The following CHST3 variants were observed in gnomAD, a reference collection of about 807,000 sequenced individuals.
The protein encoded by CHST3 is C6ST-1.
In CHST3, 20 loss-of-function variants were observed where a neutral mutation model predicts 35.4. The ratio of observed to expected loss-of-function variants is 0.57; its 90% CI spans 0.40 to 0.82. CHST3 has a LOEUF of 0.82. Among genes scored for constraint, CHST3 ranks in the 40% least tolerant of loss-of-function variants. CHST3 has a pLI of 0.00. For synonymous variants in CHST3, 334 were observed against 295.9 expected, an observed-to-expected ratio of 1.13 and a Z score of -1.32; for missense variants, 693 against 670.1, an observed-to-expected ratio of 1.03 and a Z score of -0.38.
At chr10:71,970,267 C>T (rs969018600) in intron 1 of CHST3, among the ~76,000 whole-genome samples, 1 of 152,202 alleles carries the variant, frequency 6.6e-6, no homozygotes, top group African/African-American at 2.4e-5. Flanking sequence ...CCACCACCTC[C>T]TCACAAAGAT....
chr10:71,990,590 C>G (rs181124312), intron 1 of CHST3, among the ~76,000 whole-genome samples: 1 of 152,090 alleles, frequency 6.6e-6, no homozygotes, highest in Non-Finnish European at 1.5e-5. Context: ...CTCAAACTCC[C>G]GCCCTCAGGT....
rs2131777093 is a variant in CHST3, at chr10:72,008,436, C to T, written c.1405C>T (p.Leu469=). Reference sequence around the variant, plus strand: ...CGCCCTCACCAACCGCTCAGTCAGCCTGCTGGAGGAGAGGGGCACCTTCTG... The same window carrying T: ...CGCCCTCACCAACCGCTCAGTCAGCTTGCTGGAGGAGAGGGGCACCTTCTG... ...AAALTNRSVS[L]LEERGTFWVT The change falls in exon 3 of 3, where the codon CTG becomes TTG. Residue 469 remains leucine (L), a synonymous_variant. Coordinates refer to ENST00000373115, the MANE Select transcript of CHST3 (RefSeq NM_004273.5). 6.4e-7 allele frequency: 1 copy of T among 1,568,914 alleles called. No homozygotes were observed. Among genetic ancestry groups the T allele is most frequent in the Non-Finnish European group, 8.6e-7 (1 of 1,157,136 alleles).
chr10:71,979,514 G>A (rs921780792), intron 1 of CHST3, among the ~76,000 whole-genome samples: 5 of 152,022 alleles, frequency 3.3e-5, no homozygotes, highest in African/African-American at 1.2e-4. Flanking sequence ...GGCCTTAAGG[G>A]ATGGGTGGAA....
At chr10:72,004,407 T>A (rs1178432403) in intron 1 of CHST3, among the ~76,000 whole-genome samples, 1 of 152,152 alleles carries the variant, frequency 6.6e-6, no homozygotes, top group African/African-American at 2.4e-5. Context: ...GGTGGGGCTG[T>A]AGGGAGCCCT....
At chr10:72,007,140 G>A (rs1008975704) in intron 2 of CHST3, 32 bp from the exon 3 acceptor site, 1 of 1,611,176 alleles carries the variant, frequency 6.2e-7, no homozygotes, top group African/African-American at 1.3e-5. Context: ...TCCCCAGTCA[G>A]CCACTGACCC....
chr10:71,971,228 G>C (rs1839691783), intron 1 of CHST3, among the ~76,000 whole-genome samples: 1 of 152,170 alleles, frequency 6.6e-6, no homozygotes, highest in Non-Finnish European at 1.5e-5. Flanking sequence ...TGGGATTTGG[G>C]GAGTGGGGCA....
chr10:71,995,862 A>G (rs553408741), intron 1 of CHST3, among the ~76,000 whole-genome samples: 1 of 152,328 alleles, frequency 6.6e-6, no homozygotes, highest in Admixed American at 6.5e-5. Flanking sequence ...AATCTGCACT[A>G]TTGCGAAAAT....
At chr10:72,005,674 G>A in intron 1 of CHST3, 62 bp from the exon 2 acceptor site, 1 of 786,702 alleles carries the variant, frequency 1.3e-6, no homozygotes, top group South Asian at 1.6e-5. Context: ...GTCTGGTGGA[G>A]AGACATCCTC....
chr10:72,004,778 C>G (rs1243519005), intron 1 of CHST3, among the ~76,000 whole-genome samples: 1 of 152,150 alleles, frequency 6.6e-6, no homozygotes, highest in African/African-American at 2.4e-5. Context: ...TTTGTCACCC[C>G]CCACCTTCCC....
rs1228418634 is a variant in CHST3 at position 72,013,454 on chromosome 10, C to A, written c.*4983C>A. The A allele has an allele frequency of 6.6e-6, 1 of 152,170 alleles. No homozygotes were observed. Among genetic ancestry groups the A allele is most frequent in the East Asian group, 1.9e-4 (1 of 5,182 alleles). 9.4% of individuals were successfully genotyped at this position (152,170 alleles called of 1,614,324 possible). ...CTGGGGCTGCCCTTCAGAGAGCTGGCAGCCCCAGCAGTCAGGGCCTGCTTT... is the reference window on the plus strand; with the variant it reads ...CTGGGGCTGCCCTTCAGAGAGCTGGAAGCCCCAGCAGTCAGGGCCTGCTTT... On this transcript the variant is annotated 3_prime_UTR_variant, in exon 3 of 3. Transcript: ENST00000373115.
rs1260275648 is a variant in CHST3, at chr10:72,008,377, G to A, written c.1346G>A (p.Arg449His). ...VVQAACGPAM[R>H]LFGYKLARDA... ...CAGGCCGCCTGCGGCCCTGCCATGC[G>A]CCTCTTCGGCTACAAACTGGCGCGG... Residue 449 changes from arginine (R) to histidine (H), a missense_variant, in exon 3 of 3, where the codon CGC (arginine) becomes CAC (histidine). Physicochemically the swap from Arg to His is conservative, Grantham distance 29. Transcript: ENST00000373115. 1.3e-6 allele frequency: 2 copies of A among 1,567,658 alleles called. No homozygotes were observed. The highest frequency in any genetic ancestry group is 1.9e-5 in the Admixed American group (1 of 52,838).
intron 1 of CHST3, among the ~76,000 whole-genome samples, chr10:71,997,137 C>CA (rs1488771089): frequency 6.6e-6 from 1 of 152,070 alleles, no homozygotes; most frequent in Non-Finnish European, 1.5e-5. Flanking sequence ...TGTTGGGTAA[C>CA]CCTCCCCACT....
At chr10:71,984,286 G>T (rs1211360681) in intron 1 of CHST3, among the ~76,000 whole-genome samples, 2 of 152,236 alleles carry the variant, frequency 1.3e-5, no homozygotes, top group African/African-American at 4.8e-5. Flanking sequence ...GCCTCCCAAA[G>T]TGCTGAGATT....
At chr10:72,000,890 G>A (rs4148935) in intron 1 of CHST3, among the ~76,000 whole-genome samples, 28,570 of 151,812 alleles carry the variant, frequency 0.19, 6,523 homozygotes, top group African/African-American at 0.55. Flanking sequence ...GGCCAGCAGG[G>A]GTGTGGGCCT....
chr10:72,003,373 A>C (rs1356152740), intron 1 of CHST3, among the ~76,000 whole-genome samples: 1 of 152,178 alleles, frequency 6.6e-6, no homozygotes, highest in Non-Finnish European at 1.5e-5. Flanking sequence ...GCCCAGGAAA[A>C]TTAGGAAGAG....
rs2131778007 is a variant in CHST3 at position 72,009,068 on chromosome 10, T to TC, written c.*597_*598insC. The stretch of plus-strand genomic sequence containing the variant: ...CTGGTTACTGATGAATATGGGCCCC[T>TC]TATAGAGCTGCAAAACACACACATG... On this transcript the variant is annotated 3_prime_UTR_variant, in exon 3 of 3. Transcript: ENST00000373115. 1 of 152,798 alleles carries TC rather than the reference T, an allele frequency of 6.5e-6. No individual in the cohort carries two copies. The highest frequency in any genetic ancestry group is 2.4e-5 in the African/African-American group (1 of 41,532). 9.5% of individuals were successfully genotyped at this position (152,798 alleles called of 1,614,324 possible).
intron 1 of CHST3, among the ~76,000 whole-genome samples, chr10:71,991,153 C>T (rs114780036): frequency 0.013 from 2,013 of 152,264 alleles, 56 homozygotes; most frequent in African/African-American, 0.045. Context: ...CTTTCACCCA[C>T]ATCCTACCTG....
intron 1 of CHST3, among the ~76,000 whole-genome samples, chr10:71,986,375 C>G (rs1399237799): frequency 6.6e-6 from 1 of 152,226 alleles, no homozygotes; most frequent in Non-Finnish European, 1.5e-5. Context: ...GTAAACTTCT[C>G]TGGATGATTC....
Position 71,997,927 on chromosome 10 carries a change from A to G in CHST3, c.-107-7809A>G, listed in dbSNP as rs188228683. Among the ~76,000 whole-genome samples the G allele has an allele frequency of 4.1e-3, 622 of 152,194 alleles. 2 individuals carry two copies. The highest frequency in any genetic ancestry group is 0.014 in the African/African-American group (586 of 41,532). On this transcript the variant is annotated intron_variant, in intron 1 of 2. Transcript: ENST00000373115. ...GTGATCCACCCACCTTAGCCTCCCA[A>G]AGTGCTGGGATTACAAGCATAAGCC...
Sources: gnomAD v4.1 joint callset for allele counts (sites outside exome capture counted in the v4.1 genomes callset) on GRCh38, gnomAD v4.1.1 for gene constraint, MANE v1.5 for transcripts, NCBI Gene and HGNC (gene_info 2026-07-23, HGNC 2026-07-21) for gene names.